ARID5B: variants seen among roughly 807,000 people sequenced by gnomAD.
ARID5B encodes the protein AT-rich interaction domain 5B.
A neutral mutation model predicts 97.2 loss-of-function variants in ARID5B; 13 were observed. That is an observed-to-expected ratio of 0.13 (90% confidence interval 0.09 to 0.21). The LOEUF (loss-of-function observed/expected upper bound fraction) is 0.21, where lower values mean the gene tolerates loss of function less well. Among genes scored for constraint, ARID5B ranks in the 10% least tolerant of loss-of-function variants. The pLI is 1.00. For synonymous variants in ARID5B, 556 were observed against 570.3 expected (o/e 0.97, Z 0.36); for missense variants, 1,210 against 1,465.3 (o/e 0.83, Z 2.84).
At chr10:61,966,444 C>A (rs996413527) in intron 3 of ARID5B, among the ~76,000 whole-genome samples, 1 of 152,246 alleles carries the variant, frequency 6.6e-6, no homozygotes, top group South Asian at 2.1e-4. Context: ...AAAATTCAAT[C>A]TAATTTTATT....
intron 3 of ARID5B, among the ~76,000 whole-genome samples, chr10:61,987,647 G>A (rs750308980): frequency 1.4e-4 from 21 of 152,212 alleles, no homozygotes; most frequent in African/African-American, 4.8e-4. Flanking sequence ...CTGTGCCGTC[G>A]TAGTGTAAAA....
chr10:61,935,548 G>A (rs902066623), intron 2 of ARID5B, among the ~76,000 whole-genome samples: 2 of 152,026 alleles, frequency 1.3e-5, no homozygotes, highest in Non-Finnish European at 2.9e-5. Flanking sequence ...ATCAGTAGTT[G>A]CCAGGAGCTG....
intron 8 of ARID5B, among the ~76,000 whole-genome samples, chr10:62,073,317 A>G (rs1238607136): frequency 1.3e-5 from 2 of 152,224 alleles, no homozygotes; most frequent in Admixed American, 6.5e-5. Flanking sequence ...TCATGTTTCC[A>G]GTAAACGTTT....
intron 4 of ARID5B, among the ~76,000 whole-genome samples, chr10:62,003,726 TGA>T (rs1235859840): frequency 1.3e-5 from 2 of 152,160 alleles, no homozygotes; most frequent in Admixed American, 1.3e-4. Context: ...GGAATGAGTC[TGA>T]GTTTTCTCTG....
intron 2 of ARID5B, among the ~76,000 whole-genome samples, chr10:61,921,526 G>C (rs1289165009): frequency 6.6e-6 from 1 of 152,166 alleles, no homozygotes; most frequent in African/African-American, 2.4e-5. Context: ...ACATGGCAAC[G>C]GACTCCCCTC....
chr10:61,907,121 G>A (rs1018786460), intron 2 of ARID5B, among the ~76,000 whole-genome samples: 3 of 152,196 alleles, frequency 2.0e-5, no homozygotes, highest in Admixed American at 1.3e-4. Flanking sequence ...AAATCCTACC[G>A]AATCAGGCTA....
At chr10:62,075,768 T>C (rs1050674839) in intron 8 of ARID5B, among the ~76,000 whole-genome samples, 1 of 152,228 alleles carries the variant, frequency 6.6e-6, no homozygotes, top group Admixed American at 6.5e-5. Flanking sequence ...ATGTGGCATG[T>C]AGTATTTCTC....
intron 2 of ARID5B, among the ~76,000 whole-genome samples, chr10:61,915,390 G>T (rs957295124): frequency 2.6e-5 from 4 of 152,196 alleles, no homozygotes; most frequent in Admixed American, 2.0e-4. Flanking sequence ...TATGTCAGGG[G>T]TACATGATTT....
rs1840434547 is a variant in ARID5B, at chr10:62,094,382, C to G, written c.*1352C>G. 4.3e-6 allele frequency: 1 copy of G among 230,206 alleles called. No individual in the cohort carries two copies. The highest frequency in any genetic ancestry group is 8.6e-6 in the Non-Finnish European group (1 of 116,280). 14.3% of individuals were successfully genotyped at this position (230,206 alleles called of 1,614,324 possible). ...CATTCCCAAGAAGAATCTCCCAGGC[C>G]ACATCTTTGGGGATAACTGACATAC... On this transcript the variant is annotated 3_prime_UTR_variant, in exon 10 of 10. Transcript: ENST00000279873.
At chr10:61,946,346 G>A (rs1031867822) in intron 3 of ARID5B, among the ~76,000 whole-genome samples, 1 of 152,102 alleles carries the variant, frequency 6.6e-6, no homozygotes, top group Non-Finnish European at 1.5e-5. Context: ...TCTGTAAGAA[G>A]CATGCTAAAT....
chr10:62,078,555 T>C (rs1840168213), intron 8 of ARID5B, among the ~76,000 whole-genome samples: 1 of 152,220 alleles, frequency 6.6e-6, no homozygotes, highest in South Asian at 2.1e-4. Flanking sequence ...CATTGGGCTT[T>C]TTTCATTGAG....
At chr10:61,916,687 C>A (rs1410936382) in intron 2 of ARID5B, among the ~76,000 whole-genome samples, 1 of 152,090 alleles carries the variant, frequency 6.6e-6, no homozygotes, top group African/African-American at 2.4e-5. Flanking sequence ...ATGCAGGTGA[C>A]AGAAACATTG....
intron 2 of ARID5B, among the ~76,000 whole-genome samples, chr10:61,909,334 T>TTTTTTTTTTG: frequency 6.9e-6 from 1 of 143,890 alleles, no homozygotes; most frequent in Non-Finnish European, 1.5e-5. Flanking sequence ...TTTTTTTTTT[T>TTTTTTTTTTG]TTTTTTTTTG....
chr10:62,057,667 G>A (rs1289890937), intron 6 of ARID5B, among the ~76,000 whole-genome samples: 2 of 152,114 alleles, frequency 1.3e-5, no homozygotes, highest in African/African-American at 2.4e-5. Context: ...AGGCACAGAT[G>A]TTGCCTGTGA....
chr10:62,021,029 AATATATATATATATATATATATAT>A (rs10528323), intron 4 of ARID5B, among the ~76,000 whole-genome samples: 2,144 of 106,880 alleles, frequency 0.02, 82 homozygotes, highest in African/African-American at 0.08. Flanking sequence ...TTGTCACATG[AATATATATATATATATATATATAT>A]ATATATATAT....
chr10:61,955,200 G>A lies in ARID5B; in HGVS notation c.502+14792G>A, dbSNP rs141812821. 3.4e-3 allele frequency among the ~76,000 whole-genome samples: 517 copies of A among 152,248 alleles called. 1 individual carries two copies. The highest frequency in any genetic ancestry group is 0.01 in the South Asian group (50 of 4,824). On this transcript the variant is annotated intron_variant, in intron 3 of 9. Coordinates refer to ENST00000279873, the MANE Select transcript of ARID5B (RefSeq NM_032199.3). Reference sequence around the variant, plus strand: ...ATACTGTTCAGTGTGGGGTACATAGGACTCTAAGAGCAGTTTTCCCCTCTA... The same window carrying A: ...ATACTGTTCAGTGTGGGGTACATAGAACTCTAAGAGCAGTTTTCCCCTCTA...
chr10:62,056,275 C>T (rs116542637), intron 5 of ARID5B, among the ~76,000 whole-genome samples: 1,905 of 152,250 alleles, frequency 0.013, 35 homozygotes, highest in African/African-American at 0.043. Context: ...TTTATACTCA[C>T]TCTTCTTGGG....
chr10:61,967,959 T>G (rs992600125), intron 3 of ARID5B, among the ~76,000 whole-genome samples: 3 of 151,938 alleles, frequency 2.0e-5, no homozygotes, highest in African/African-American at 7.3e-5. Context: ...TCTTGGTTTA[T>G]TCAGTAAACA....
rs756022924 is a variant in ARID5B at position 62,057,151 on chromosome 10, C to T, written c.881C>T (p.Pro294Leu). 9.3e-6 allele frequency: 15 copies of T among 1,613,376 alleles called. No homozygotes were observed. The highest frequency in any genetic ancestry group is 4.5e-5 in the East Asian group (2 of 44,842). Residue 294 changes from proline (P) to leucine (L), a missense_variant, in exon 6 of 10, where the codon CCG (proline) becomes CTG (leucine). Physicochemically the swap from Pro to Leu is moderately conservative, Grantham distance 98. This residue lies in a region of ARID5B where 132 missense variants were observed against 156.7 expected (regional missense o/e 0.84). Transcript: ENST00000279873. ...KCEARSALTK[P>L]KNNHNCKKVS... ...GAGGCCAGGTCAGCCTTGACCAAGC[C>T]GAAGAATAACCATAACTGTAAAAAA...
Sources: gnomAD v4.1 joint callset for allele counts (sites outside exome capture counted in the v4.1 genomes callset) on GRCh38, gnomAD v4.1.1 for gene constraint, gnomAD v4.1.1 regional missense constraint, MANE v1.5 for transcripts, NCBI Gene and HGNC (gene_info 2026-07-23, HGNC 2026-07-21) for gene names.